The following DOCK2 variants were observed in gnomAD, a reference collection of about 807,000 sequenced individuals.
The protein encoded by DOCK2 is dedicator of cytokinesis protein 2.
DOCK2 carries 87 observed loss-of-function variants against 248.9 expected under a neutral mutation model. The ratio of observed to expected loss-of-function variants is 0.35; its 90% CI spans 0.29 to 0.42. DOCK2 has a LOEUF of 0.42. Among genes scored for constraint, DOCK2 ranks in the 10% least tolerant of loss-of-function variants. The pLI is 1.00. For synonymous variants in DOCK2, 805 were observed against 821.6 expected (o/e 0.98, Z 0.35); for missense variants, 1,747 against 2,300.2 (o/e 0.76, Z 4.92).
At chr5:169,733,799 C>G (rs1200288671) in intron 22 of DOCK2, among the ~76,000 whole-genome samples, 1 of 152,082 alleles carries the variant, frequency 6.6e-6, no homozygotes, top group Non-Finnish European at 1.5e-5. Context: ...CTGGTTTTAT[C>G]TCTCTGGTGG....
intron 14 of DOCK2, among the ~76,000 whole-genome samples, chr5:169,706,744 T>A (rs7731049): frequency 0.16 from 23,718 of 152,238 alleles, 2,053 homozygotes; most frequent in Non-Finnish European, 0.2. Flanking sequence ...AGGACTGCTG[T>A]GTATTCTGTT....
chr5:169,789,626 C>A (rs1444210614), intron 25 of DOCK2, among the ~76,000 whole-genome samples: 2 of 152,200 alleles, frequency 1.3e-5, no homozygotes, highest in African/African-American at 4.8e-5. Context: ...AGAGTCCAAG[C>A]AAAATCTCTT....
intron 42 of DOCK2, chr5:170,056,301 G>A (rs559994385): frequency 1.0e-4 from 17 of 168,676 alleles, no homozygotes; most frequent in Non-Finnish European, 2.5e-5. Flanking sequence ...TGATTTAGGG[G>A]GTTGGCTGGG....
intron 27 of DOCK2, among the ~76,000 whole-genome samples, chr5:169,899,719 T>C (rs962935910): frequency 3.2e-4 from 49 of 152,208 alleles, no homozygotes; most frequent in African/African-American, 1.2e-3. Context: ...AGACTTTCAA[T>C]GTTCCTTTCC....
In DOCK2 at chr5:169,761,641, C is replaced by A. The variant is rs1225645089; in HGVS notation, c.2554+16C>A. 4 of 1,609,870 alleles carry A rather than the reference C, an allele frequency of 2.5e-6. No homozygotes were observed. Among genetic ancestry groups the A allele is most frequent in the Admixed American group, 1.7e-5 (1 of 59,934 alleles). ...AAAAAGCAAGGTGAGTACACAGCAC[C>A]CTTGCTGGGGTGGGGTAAGGGGCCA... is the stretch of plus-strand genomic sequence containing the variant. On this transcript the variant is annotated intron_variant, in intron 25 of 51. Transcript: ENST00000520908.
At chr5:169,675,815 A>G (rs1451352882) in intron 6 of DOCK2, among the ~76,000 whole-genome samples, 1 of 152,178 alleles carries the variant, frequency 6.6e-6, no homozygotes, top group Non-Finnish European at 1.5e-5. Flanking sequence ...CATAAGCACT[A>G]GGGGGAGGAT....
chr5:170,039,080 C>T (rs1264932955), intron 36 of DOCK2, among the ~76,000 whole-genome samples: 7 of 152,226 alleles, frequency 4.6e-5, no homozygotes, highest in Non-Finnish European at 5.9e-5. Flanking sequence ...AGCTTGAAAT[C>T]TGCTTCTGGC....
At chr5:169,853,580 C>T (rs191706092) in intron 27 of DOCK2, among the ~76,000 whole-genome samples, 13 of 151,974 alleles carry the variant, frequency 8.6e-5, no homozygotes, top group African/African-American at 1.7e-4. Flanking sequence ...GAAGCAGCAA[C>T]GACAACAACA....
intron 22 of DOCK2, among the ~76,000 whole-genome samples, chr5:169,740,392 A>G (rs1189654912): frequency 6.6e-6 from 1 of 152,126 alleles, no homozygotes; most frequent in African/African-American, 2.4e-5. Context: ...TTTCAAACAG[A>G]ATCTCCACAT....
intron 9 of DOCK2, among the ~76,000 whole-genome samples, chr5:169,689,575 G>C (rs1317645173): frequency 1.3e-5 from 2 of 152,172 alleles, no homozygotes; most frequent in South Asian, 4.1e-4. Flanking sequence ...TGCACACACA[G>C]AGAACATATG....
chr5:169,643,972 C>T (rs1377827466), intron 1 of DOCK2, among the ~76,000 whole-genome samples: 1 of 152,114 alleles, frequency 6.6e-6, no homozygotes, highest in African/African-American at 2.4e-5. Context: ...CTGCTGGCTT[C>T]CCTGGCGGTG....
At chr5:169,984,076 T>A (rs780792961) in intron 28 of DOCK2, among the ~76,000 whole-genome samples, 2 of 152,198 alleles carry the variant, frequency 1.3e-5, no homozygotes, top group African/African-American at 2.4e-5. Context: ...TCTTAATGAT[T>A]GAACATACAC....
At chr5:170,035,415 A>ATCTAG (rs1756290931) in intron 35 of DOCK2, among the ~76,000 whole-genome samples, 1 of 152,150 alleles carries the variant, frequency 6.6e-6, no homozygotes, top group East Asian at 1.9e-4. Flanking sequence ...TCAACAGCCT[A>ATCTAG]GATATTGCCA....
intron 33 of DOCK2, among the ~76,000 whole-genome samples, chr5:170,022,176 A>T (rs533702392): frequency 1.3e-5 from 2 of 152,212 alleles, no homozygotes; most frequent in Non-Finnish European, 2.9e-5. Flanking sequence ...AAGAGATCCT[A>T]GACACCCTTC....
chr5:169,981,316 G>A (rs1421729541), intron 27 of DOCK2, among the ~76,000 whole-genome samples: 1 of 152,164 alleles, frequency 6.6e-6, no homozygotes, highest in Non-Finnish European at 1.5e-5. Context: ...AAACCTGGGA[G>A]GAAATATATA....
intron 2 of DOCK2, among the ~76,000 whole-genome samples, chr5:169,655,916 G>T (rs187660082): frequency 6.6e-6 from 1 of 152,090 alleles, no homozygotes; most frequent in Non-Finnish European, 1.5e-5. Flanking sequence ...TTTTACTTGG[G>T]GTTGTAGATG....
chr5:169,886,379 A>G (rs908731691), intron 27 of DOCK2, among the ~76,000 whole-genome samples: 1 of 152,220 alleles, frequency 6.6e-6, no homozygotes, highest in African/African-American at 2.4e-5. Context: ...AATTGGTTCT[A>G]TGTTTCAATG....
intron 26 of DOCK2, 122 bp downstream of exon 26, chr5:169,803,328 C>G: frequency 7.6e-7 from 1 of 1,310,108 alleles, no homozygotes; most frequent in Non-Finnish European, 1.0e-6. Flanking sequence ...ACGGCTTGCT[C>G]AGCAGGCCTA....
intron 6 of DOCK2, among the ~76,000 whole-genome samples, chr5:169,677,243 A>G (rs1408668086): frequency 6.6e-6 from 1 of 152,234 alleles, no homozygotes; most frequent in African/African-American, 2.4e-5. Flanking sequence ...CTCCCTAACA[A>G]TAGGAGCTAT....
Sources: allele counts gnomAD v4.1 joint callset (sites outside exome capture counted in the v4.1 genomes callset), GRCh38; gene constraint gnomAD v4.1.1; transcripts MANE v1.5; gene names NCBI Gene and HGNC (gene_info 2026-07-23, HGNC 2026-07-21).